Variants in TENM2 observed in about 807,000 individuals in gnomAD.
TENM2 encodes teneurin transmembrane protein 2.
TENM2 carries 52 observed loss-of-function variants against 245.2 expected under a neutral mutation model. That is an observed-to-expected ratio of 0.21 (90% CI 0.17 to 0.27). The LOEUF (loss-of-function observed/expected upper bound fraction) is 0.27, where lower values mean the gene tolerates loss of function less well. TENM2 is among the 10% of genes least tolerant of loss of function. TENM2 has a pLI of 1.00. For synonymous variants in TENM2, 1,363 were observed against 1,438.9 expected, an observed-to-expected ratio of 0.95 and a Z score of 1.19; for missense variants, 3,046 against 3,666.8, an observed-to-expected ratio of 0.83 and a Z score of 4.37.
chr5:167,158,642 A>G, the TENM2 span, among the ~76,000 whole-genome samples: 224 of 152,266 alleles, frequency 1.5e-3, 1 homozygote, highest in Middle Eastern at 6.8e-3. Flanking sequence ...ATATCTTCAC[A>G]TAATAGAGAG....
intron 12 of TENM2, among the ~76,000 whole-genome samples, chr5:168,133,053 A>T (rs1363653545): frequency 6.6e-6 from 1 of 152,210 alleles, no homozygotes; most frequent in Non-Finnish European, 1.5e-5. Flanking sequence ...ATCCTGGAGC[A>T]AGTCACCAAG....
At chr5:168,215,427 G>A (rs548795660) in intron 21 of TENM2, among the ~76,000 whole-genome samples, 155 bp downstream of exon 23, 26 of 152,292 alleles carry the variant, frequency 1.7e-4, no homozygotes, top group Non-Finnish European at 2.6e-4. Context: ...GTGTGGATGG[G>A]TGTTTAAAAA....
chr5:167,816,346 A>G (rs1767055442), intron 2 of TENM2, among the ~76,000 whole-genome samples: 1 of 152,162 alleles, frequency 6.6e-6, no homozygotes. Flanking sequence ...GAAACATGCT[A>G]TGAGCCCTCC....
intron 13 of TENM2, among the ~76,000 whole-genome samples, chr5:168,167,358 C>T (rs917680557): frequency 6.6e-6 from 1 of 152,022 alleles, no homozygotes; most frequent in African/African-American, 2.4e-5. Context: ...TGAGACAGTC[C>T]TTACTTCTTC....
At chr5:167,133,895 A>G in the TENM2 span, among the ~76,000 whole-genome samples, 1 of 152,128 alleles carries the variant, frequency 6.6e-6, no homozygotes, top group Non-Finnish European at 1.5e-5. Flanking sequence ...CAAAATTTGT[A>G]AAGTTAACAT....
chr5:167,747,887 CCT>C (rs1327707595), intron 2 of TENM2, among the ~76,000 whole-genome samples: 2 of 149,104 alleles, frequency 1.3e-5, no homozygotes, highest in Non-Finnish European at 3.0e-5. Context: ...ATTTCAAGTC[CCT>C]CTCTCTCTAT....
chr5:167,305,352 T>G (rs1755607860), intron 1 of TENM2, among the ~76,000 whole-genome samples: 1 of 152,200 alleles, frequency 6.6e-6, no homozygotes. Context: ...CTGACAAGCA[T>G]TTTGTTTCTC....
At chr5:167,128,564 A>C in the TENM2 span, among the ~76,000 whole-genome samples, 1 of 151,864 alleles carries the variant, frequency 6.6e-6, no homozygotes, top group South Asian at 2.1e-4. Flanking sequence ...AAAAAAAAAA[A>C]AAAGCCCCTG....
chr5:167,277,235 G>T, the TENM2 span, among the ~76,000 whole-genome samples: 2 of 152,004 alleles, frequency 1.3e-5, no homozygotes, highest in South Asian at 2.1e-4. Context: ...CTGTTGTCCA[G>T]TGTATGCATT....
chr5:167,801,095 G>GAAA lies in TENM2; in HGVS notation c.503-74878_503-74876dup, dbSNP rs1176405769. The stretch of plus-strand genomic sequence containing the variant: ...CCTATACTTTGAATGTATTTGAAAA[G>GAAA]AAAAAAAAAAAAAAATATATATATA... On this transcript the variant is annotated intron_variant, in intron 2 of 28. Transcript: ENST00000518659. 1.7e-3 allele frequency among the ~76,000 whole-genome samples: 87 copies of GAAA among 50,638 alleles called. 3 individuals are homozygous for GAAA. The highest frequency in any genetic ancestry group is 8.6e-3 in the East Asian group (9 of 1,044). The allele number at this position is 50,638 out of a possible 152,430, so 33.2% of individuals were successfully genotyped here.
intron 1 of TENM2, among the ~76,000 whole-genome samples, chr5:167,340,338 C>A (rs1346483960): frequency 6.6e-6 from 1 of 152,176 alleles, no homozygotes; most frequent in Admixed American, 6.5e-5. Context: ...GTGTCACTTC[C>A]AGGGTGCAAT....
intron 24 of TENM2, 83 bp downstream of exon 26, chr5:168,226,346 G>A: frequency 7.4e-7 from 1 of 1,348,012 alleles, no homozygotes; most frequent in Non-Finnish European, 1.0e-6. Context: ...GAGTTATGCA[G>A]CCTGGGAGGA....
chr5:167,998,478 C>A (rs1784211359), intron 5 of TENM2, among the ~76,000 whole-genome samples: 1 of 152,142 alleles, frequency 6.6e-6, no homozygotes, highest in African/African-American at 2.4e-5. Context: ...CTTAGAAATT[C>A]TAAGGCGAGA....
At chr5:167,958,555 T>G (rs1049454666) in intron 4 of TENM2, among the ~76,000 whole-genome samples, 3 of 152,192 alleles carry the variant, frequency 2.0e-5, no homozygotes, top group Admixed American at 6.5e-5. Context: ...CGTTGGTTGA[T>G]GTAGTTTCTT....
intron 2 of TENM2, among the ~76,000 whole-genome samples, chr5:167,454,791 G>T (rs539747328): frequency 6.6e-6 from 1 of 152,090 alleles, no homozygotes; most frequent in Non-Finnish European, 1.5e-5. Flanking sequence ...GGACTCCTAC[G>T]GGCTTGGTTT....
intron 2 of TENM2, among the ~76,000 whole-genome samples, chr5:167,525,193 C>A (rs1011557952): frequency 1.3e-5 from 2 of 152,034 alleles, no homozygotes; most frequent in Non-Finnish European, 2.9e-5. Context: ...CCTTTGAATG[C>A]GCAAATCTGT....
At chr5:167,824,079 G>A (rs768899679) in intron 2 of TENM2, among the ~76,000 whole-genome samples, 26 of 152,190 alleles carry the variant, frequency 1.7e-4, no homozygotes, top group Non-Finnish European at 2.9e-4. Context: ...TCAGCCCTGC[G>A]TACTGTCCTG....
chr5:167,397,273 GA>G (rs1482564751), intron 2 of TENM2, among the ~76,000 whole-genome samples: 1 of 151,874 alleles, frequency 6.6e-6, no homozygotes, highest in Non-Finnish European at 1.5e-5. Context: ...AAGGAAAATA[GA>G]AAGGCAAACT....
intron 4 of TENM2, chr5:167,953,256 A>G: frequency 4.9e-6 from 1 of 204,512 alleles, no homozygotes; most frequent in South Asian, 1.0e-4. Flanking sequence ...CCAAACTGAC[A>G]GAAGTATAAT....
Sources: gnomAD v4.1 joint callset for allele counts (sites outside exome capture counted in the v4.1 genomes callset) on GRCh38, gnomAD v4.1.1 for gene constraint, MANE v1.5 for transcripts, NCBI Gene and HGNC (gene_info 2026-07-23, HGNC 2026-07-21) for gene names.